Variants in PPARGC1B observed in about 807,000 individuals in gnomAD.
PPARGC1B encodes peroxisome proliferator-activated receptor gamma coactivator 1-beta.
In PPARGC1B, 34 loss-of-function variants were observed where a neutral mutation model predicts 101.6. The observed-to-expected ratio is 0.33, with a 90% CI of 0.25 to 0.45. The LOEUF (loss-of-function observed/expected upper bound fraction) is 0.45. Ranked by LOEUF, PPARGC1B falls within the 20% of genes least tolerant of loss-of-function variation. The probability of loss-of-function intolerance (pLI) is 1.00; values close to 1 mark genes in which losing one functional copy is unlikely to be tolerated. For missense variants in PPARGC1B, 1,234 were observed against 1,317.6 expected (o/e 0.94, Z 0.98); for synonymous variants, 548 against 539.3 (o/e 1.02, Z -0.22).
At chr5:149,843,338 A>G (rs1181797611) in intron 10 of PPARGC1B, among the ~76,000 whole-genome samples, 1 of 152,174 alleles carries the variant, frequency 6.6e-6, no homozygotes, top group Non-Finnish European at 1.5e-5. Flanking sequence ...ATCTCCTATT[A>G]TATCGGCAAA....
intron 1 of PPARGC1B, among the ~76,000 whole-genome samples, chr5:149,733,933 G>T (rs754504708): frequency 3.9e-5 from 6 of 152,262 alleles, no homozygotes; most frequent in African/African-American, 7.2e-5. Context: ...AGAAAAAAAT[G>T]AGAAATATGT....
intron 7 of PPARGC1B, 69 bp downstream of exon 7, chr5:149,835,434 A>G: frequency 7.2e-7 from 1 of 1,394,368 alleles, no homozygotes; most frequent in Non-Finnish European, 1.0e-6. Context: ...GTTTTTCATC[A>G]TGCATGGGCA....
chr5:149,781,515 A>G (rs1431602766), intron 1 of PPARGC1B, among the ~76,000 whole-genome samples: 2 of 152,182 alleles, frequency 1.3e-5, no homozygotes, highest in Non-Finnish European at 1.5e-5. Flanking sequence ...GGTGCTGGCT[A>G]TGGAGTCCTT....
chr5:149,809,887 G>A (rs1026610843), intron 1 of PPARGC1B, among the ~76,000 whole-genome samples: 8 of 151,936 alleles, frequency 5.3e-5, no homozygotes, highest in African/African-American at 1.5e-4. Flanking sequence ...GGCCCATCTG[G>A]GGAGGGACGT....
chr5:149,751,357 T>G (rs1054736727), intron 1 of PPARGC1B, among the ~76,000 whole-genome samples: 1 of 152,226 alleles, frequency 6.6e-6, no homozygotes, highest in Non-Finnish European at 1.5e-5. Context: ...GCAAAAATGA[T>G]ATGCATTAAT....
At chr5:149,793,455 C>T (rs2113264873) in intron 1 of PPARGC1B, among the ~76,000 whole-genome samples, 1 of 152,308 alleles carries the variant, frequency 6.6e-6, no homozygotes, top group South Asian at 2.1e-4. Context: ...CCTTGGCACT[C>T]ATGCAGCAAA....
intron 1 of PPARGC1B, among the ~76,000 whole-genome samples, chr5:149,777,374 C>T (rs1756403926): frequency 6.6e-6 from 1 of 152,152 alleles, no homozygotes; most frequent in Admixed American, 6.6e-5. Context: ...TGTTCCCTTC[C>T]TCCCCCCACC....
Position 149,833,868 on chromosome 5 carries a change from T to A in PPARGC1B, c.1705+90T>A, listed in dbSNP as rs1241573378. ...GGGAGCCAGGAGCCCTGTGTTCAAG[T>A]CCCCGTCCCCCAACAAAGTGTTATA... On this transcript the variant is annotated intron_variant, in intron 5 of 11. Transcript: ENST00000309241. The surrounding 1 kb of genome is among the most constrained non-coding windows in gnomAD (Gnocchi z 4.1). 1 of 1,414,394 alleles carries A rather than the reference T, an allele frequency of 7.1e-7. No individual in the cohort carries two copies. Among genetic ancestry groups the A allele is most frequent in the African/African-American group, 1.4e-5 (1 of 69,418 alleles). 87.6% of individuals were successfully genotyped at this position (1,414,394 alleles called of 1,614,324 possible).
At chr5:149,788,261 C>T (rs994864749) in intron 1 of PPARGC1B, among the ~76,000 whole-genome samples, 13 of 152,120 alleles carry the variant, frequency 8.5e-5, no homozygotes, top group Admixed American at 4.6e-4. Context: ...AACAAGTGGG[C>T]GAAGTATATG....
chr5:149,804,886 G>A (rs139773652), intron 1 of PPARGC1B, among the ~76,000 whole-genome samples: 153 of 152,346 alleles, frequency 1.0e-3, no homozygotes, highest in African/African-American at 3.5e-3. Context: ...GGAGAGTCCA[G>A]GAGGTGGTGA....
intron 1 of PPARGC1B, among the ~76,000 whole-genome samples, chr5:149,806,442 A>T (rs112490213): frequency 1.1e-4 from 17 of 152,148 alleles, no homozygotes; most frequent in African/African-American, 3.9e-4. Flanking sequence ...AGTGTTTACA[A>T]GAAAAAGGGC....
At chr5:149,815,873 C>T (rs986960365) in intron 1 of PPARGC1B, among the ~76,000 whole-genome samples, 12 of 152,074 alleles carry the variant, frequency 7.9e-5, no homozygotes, top group African/African-American at 1.2e-4. Flanking sequence ...AATGACTTGC[C>T]GACATGGGGA....
At position 149,777,784 on chromosome 5, in the gene PPARGC1B, AACACACACACACACAC is replaced by A. The variant is rs4039101; in HGVS notation, c.79-42621_79-42606del. Among the ~76,000 whole-genome samples, 226 of 91,050 alleles carry A rather than the reference AACACACACACACACAC, an allele frequency of 2.5e-3. 4 individuals are homozygous for A. The highest frequency in any genetic ancestry group is 0.011 in the African/African-American group (214 of 20,118). 59.7% of individuals were successfully genotyped at this position (91,050 alleles called of 152,430 possible). A position where few individuals can be genotyped will look rare whatever the true frequency, so the allele number is the denominator to read the frequency against. On this transcript the variant is annotated intron_variant, in intron 1 of 11. Transcript: ENST00000309241. ...GTAGAGATTTAAAAACTGTCTTTGTAACACACACACACACACACACACACACACACACACACACACA... is the reference window on the plus strand; with the variant it reads ...GTAGAGATTTAAAAACTGTCTTTGTAACACACACACACACACACACACACA...
intron 1 of PPARGC1B, among the ~76,000 whole-genome samples, chr5:149,752,134 T>G (rs1755330672): frequency 6.6e-6 from 1 of 152,246 alleles, no homozygotes; most frequent in Non-Finnish European, 1.5e-5. Flanking sequence ...TCTGATCACC[T>G]CCAAGTACTT....
In PPARGC1B at chr5:149,762,189, C is replaced by G. The variant is rs78073307; in HGVS notation, c.78+31769C>G. Among the ~76,000 whole-genome samples, 785 of 148,014 alleles carry G rather than the reference C, an allele frequency of 5.3e-3. 7 individuals are homozygous for G. The highest frequency in any genetic ancestry group is 0.019 in the African/African-American group (744 of 39,590). ...TTTTTTTTTGAGATGGAGTCTGTCT[C>G]CTGGGCAGGAGTGCAGGGGTGCAAT... On this transcript the variant is annotated intron_variant, in intron 1 of 11. Coordinates refer to ENST00000309241, the MANE Select transcript of PPARGC1B (RefSeq NM_133263.4).
Position 149,836,983 on chromosome 5 carries a change from A to G in PPARGC1B, c.2528A>G (p.Lys843Arg), listed in dbSNP as rs753844633. 9 of 1,614,050 alleles carry G rather than the reference A, an allele frequency of 5.6e-6. No homozygotes were observed. Among genetic ancestry groups the G allele is most frequent in the Non-Finnish European group, 7.6e-6 (9 of 1,180,012 alleles). The stretch of plus-strand genomic sequence containing the variant: ...TGCCCCTACCAGAGCCCACCAAGCA[A>G]GGCCAACCGGCAGCTCTGTTCCCGC... ...DHCPYQSPPSKANRQLCSRSR... is the reference protein window; with the variant it reads ...DHCPYQSPPSRANRQLCSRSR... Residue 843 changes from lysine (K) to arginine (R), a missense_variant, in exon 8 of 12, where the codon AAG (lysine) becomes AGG (arginine). By Grantham distance (26) the Lys-to-Arg change is conservative. Around this residue, in one of 3 missense-constraint regions of PPARGC1B, gnomAD observed 497 missense variants for 529.5 expected, o/e 0.94. Coordinates refer to ENST00000309241, the MANE Select transcript of PPARGC1B (RefSeq NM_133263.4).
In PPARGC1B at chr5:149,836,895, G is replaced by A; in HGVS notation, c.2440G>A (p.Glu814Lys). Residue 814 changes from glutamate to lysine, a missense_variant, in exon 8 of 12, where the codon GAG (glutamate) becomes AAG (lysine). Transcript: ENST00000309241. ...CCCAGAGGAGGAAGAGGAAGAAGGGGAGGAGGAGGAGGAGGACGATGAAGA... is the reference window on the plus strand; with the variant it reads ...CCCAGAGGAGGAAGAGGAAGAAGGGAAGGAGGAGGAGGAGGACGATGAAGA... ...FLPEEEEEEGEEEEEDDEEED... is the reference protein window; with the variant it reads ...FLPEEEEEEGKEEEEDDEEED... 6.3e-7 allele frequency: 1 copy of A among 1,595,134 alleles called. No homozygotes were observed. The highest frequency in any genetic ancestry group is 8.6e-7 in the Non-Finnish European group (1 of 1,165,356).
Position 149,772,020 on chromosome 5 carries a change from A to G in PPARGC1B, c.78+41600A>G, listed in dbSNP as rs952780362. The G allele has an allele frequency of 1.3e-4, 197 of 1,483,600 alleles. 2 individuals carry two copies. The highest frequency in any genetic ancestry group is 2.2e-4 in the Middle Eastern group (1 of 4,508). The allele number at this position is 1,483,600 out of a possible 1,614,324, so 91.9% of individuals were successfully genotyped here. ...TACAGGCAGGAAGCAGGCTCAGAGA[A>G]GTGAAGGTTTCCAACTTAGACGTGC... On this transcript the variant is annotated intron_variant, in intron 1 of 11. Transcript: ENST00000309241.
rs769038229 is a variant in PPARGC1B at position 149,836,553 on chromosome 5, C to A, written c.2098C>A (p.Pro700Thr). 1 of 1,613,972 alleles carries A rather than the reference C, an allele frequency of 6.2e-7. No individual in the cohort carries two copies. The highest frequency in any genetic ancestry group is 1.7e-5 in the Admixed American group (1 of 60,036). ...CCATGACTACTGCCAGGTGCTCCGA[C>A]CAGAAGGCGTCCTGCAAAGGAAGGT... ...GDHDYCQVLR[P>T]EGVLQRKVLR... is the part of the protein sequence containing the mutation. The change falls in exon 8 of 12, where the codon CCA becomes ACA. Residue 700 changes from proline (P) to threonine (T), a missense_variant. Coordinates refer to ENST00000309241, the MANE Select transcript of PPARGC1B (RefSeq NM_133263.4).
Sources: allele counts gnomAD v4.1 joint callset (sites outside exome capture counted in the v4.1 genomes callset), GRCh38; gene constraint gnomAD v4.1.1; regional missense constraint gnomAD v4.1.1; non-coding constraint Gnocchi (gnomAD v3.1); transcripts MANE v1.5; gene names NCBI Gene and HGNC (gene_info 2026-07-23, HGNC 2026-07-21).